Variants in VPS50 observed in about 807,000 individuals in gnomAD.
VPS50 encodes VPS50 subunit of EARP/GARPII complex.
Under a neutral mutation model 139.7 loss-of-function variants are expected in VPS50, and 70 were observed. The observed-to-expected ratio is 0.50, with a 90% confidence interval of 0.41 to 0.61. The LOEUF (loss-of-function observed/expected upper bound fraction) is 0.61, where lower values mean the gene tolerates loss of function less well. VPS50 is among the 20% of genes least tolerant of loss of function. VPS50 has a pLI of 0.00. For synonymous variants in VPS50, 365 were observed against 376.7 expected (o/e 0.97, Z 0.36); for missense variants, 921 against 1,133.7 (o/e 0.81, Z 2.69).
intron 1 of VPS50, among the ~76,000 whole-genome samples, chr7:93,236,131 A>G (rs1250770351): frequency 6.6e-6 from 1 of 152,212 alleles, no homozygotes; most frequent in Non-Finnish European, 1.5e-5. Flanking sequence ...CTTGAAGCCA[A>G]GTAAAGAATT....
At chr7:93,328,231 T>C (rs1797839021) in intron 21 of VPS50, among the ~76,000 whole-genome samples, 1 of 152,172 alleles carries the variant, frequency 6.6e-6, no homozygotes, top group Admixed American at 6.5e-5. Flanking sequence ...CTGGTTCACA[T>C]TTTTTTGTGA....
chr7:93,355,833 C>A, intron 26 of VPS50, 58 bp from the exon 27 acceptor site: 2 of 1,022,814 alleles, frequency 2.0e-6, no homozygotes, highest in Non-Finnish European at 2.8e-6. Flanking sequence ...AAATACCTGA[C>A]AGTTTTTTGT....
chr7:93,259,015 A>G (rs571399797), intron 8 of VPS50, among the ~76,000 whole-genome samples: 1 of 152,176 alleles, frequency 6.6e-6, no homozygotes, highest in African/African-American at 2.4e-5. Context: ...ACTGCTAACT[A>G]GGGTTTCAGA....
intron 16 of VPS50, among the ~76,000 whole-genome samples, chr7:93,298,818 T>C (rs747454815): frequency 2.6e-5 from 4 of 152,220 alleles, no homozygotes; most frequent in Non-Finnish European, 4.4e-5. Flanking sequence ...TTCTCATTGA[T>C]GTGGCTGTGC....
rs1441213730 is a variant in VPS50, at chr7:93,334,145, G to A, written c.2006G>A (p.Ser669Asn). Reference protein sequence around the residue: ...SLESTGLGLSSSRLRTTLNRI... With the variant: ...SLESTGLGLSNSRLRTTLNRI... Reference sequence around the variant, plus strand: ...GAATCAACTGGACTCGGCCTTAGTAGTAGTAGACTAAGAACAACTCTAAAC... The same window carrying A: ...GAATCAACTGGACTCGGCCTTAGTAATAGTAGACTAAGAACAACTCTAAAC... Residue 669 changes from serine (S) to asparagine (N), a missense_variant, in exon 22 of 28, where the codon AGT (serine) becomes AAT (asparagine). Around this residue, in one of 3 missense-constraint regions of VPS50, gnomAD observed 744 missense variants for 930.6 expected, o/e 0.80. Transcript: ENST00000305866. The A allele has an allele frequency of 5.0e-6, 8 of 1,600,444 alleles. No individual in the cohort carries two copies. In the Admixed American group the frequency reaches 6.8e-5, roughly 14 times the overall value.
intron 21 of VPS50, among the ~76,000 whole-genome samples, chr7:93,331,215 A>G (rs540160145): frequency 5.9e-5 from 9 of 151,902 alleles, no homozygotes; most frequent in African/African-American, 2.2e-4. Flanking sequence ...TACAATCCCA[A>G]TCAAAACTGT....
intron 12 of VPS50, among the ~76,000 whole-genome samples, chr7:93,279,601 T>C (rs1796262569): frequency 6.6e-6 from 1 of 152,176 alleles, no homozygotes; most frequent in African/African-American, 2.4e-5. Flanking sequence ...ATCGAAGATA[T>C]ACTTGTGTGA....
chr7:93,271,054 A>G (rs1795989947), intron 9 of VPS50, 166 bp from the exon 10 acceptor site: 1 of 1,098,002 alleles, frequency 9.1e-7, no homozygotes, highest in African/African-American at 1.7e-5. Flanking sequence ...TTCCCTTCTA[A>G]TACTTTTTCT....
chr7:93,288,822 G>A (rs1011454312), intron 12 of VPS50, among the ~76,000 whole-genome samples: 1 of 152,148 alleles, frequency 6.6e-6, no homozygotes, highest in African/African-American at 2.4e-5. Context: ...AGTGGAGTCA[G>A]AAAAGTGAAC....
At chr7:93,342,280 A>C (rs988105199) in intron 23 of VPS50, among the ~76,000 whole-genome samples, 7 of 152,318 alleles carry the variant, frequency 4.6e-5, no homozygotes, top group Non-Finnish European at 1.0e-4. Flanking sequence ...GGGCTTAAAA[A>C]ACGGTGCATC....
intron 12 of VPS50, among the ~76,000 whole-genome samples, chr7:93,282,591 C>A (rs1219037092): frequency 6.6e-6 from 1 of 152,156 alleles, no homozygotes; most frequent in Non-Finnish European, 1.5e-5. Flanking sequence ...TGCTGATTAT[C>A]TTTTATTTAA....
intron 2 of VPS50, among the ~76,000 whole-genome samples, chr7:93,250,536 AG>A (rs1181711729): frequency 6.6e-6 from 1 of 152,160 alleles, no homozygotes; most frequent in East Asian, 1.9e-4. Context: ...CTTATACAAA[AG>A]TTAACCCAAG....
In VPS50 at chr7:93,276,159, C is replaced by A. The variant is rs530064946; in HGVS notation, c.802-6C>A. 1.0e-5 allele frequency: 16 copies of A among 1,576,206 alleles called. 1 individual carries two copies. In the African/African-American group the frequency reaches 1.2e-4, roughly 12 times the overall value. ...AATTATGTTGTGCGTTTTTTTCTTT[C>A]CACAGACAGCAATGGATCAACTTCA... On this transcript the variant is annotated splice_polypyrimidine_tract_variant and splice_region_variant and intron_variant, in intron 11 of 27. Transcript: ENST00000305866.
At chr7:93,237,496 G>C (rs1019289898) in intron 1 of VPS50, among the ~76,000 whole-genome samples, 2 of 152,142 alleles carry the variant, frequency 1.3e-5, no homozygotes, top group African/African-American at 4.8e-5. Context: ...TTGAATTGTT[G>C]TGTGGTGACT....
chr7:93,287,323 T>C (rs1562869696), intron 12 of VPS50, among the ~76,000 whole-genome samples: 2 of 151,984 alleles, frequency 1.3e-5, no homozygotes, highest in Non-Finnish European at 2.9e-5. Context: ...TTTAACTTTT[T>C]ATGAAAAAAA....
chr7:93,302,617 CT>C (rs1289534685), intron 16 of VPS50, among the ~76,000 whole-genome samples: 4 of 151,834 alleles, frequency 2.6e-5, no homozygotes, highest in Admixed American at 2.6e-4. Flanking sequence ...AAGTCCTTGT[CT>C]GTTAACTCTA....
intron 17 of VPS50, among the ~76,000 whole-genome samples, chr7:93,304,009 A>G (rs914203036): frequency 3.3e-5 from 5 of 151,844 alleles, no homozygotes; most frequent in Admixed American, 3.3e-4. Context: ...TAATGAAAAA[A>G]TGCCTCAGAA....
chr7:93,283,238 T>G (rs1796380241), intron 12 of VPS50, among the ~76,000 whole-genome samples: 1 of 151,460 alleles, frequency 6.6e-6, no homozygotes, highest in South Asian at 2.1e-4. Flanking sequence ...TTTCTTTTTT[T>G]TTTTTTTGAG....
intron 25 of VPS50, among the ~76,000 whole-genome samples, chr7:93,352,282 A>G (rs1397336528): frequency 6.6e-6 from 1 of 152,210 alleles, no homozygotes; most frequent in East Asian, 1.9e-4. Context: ...CTACTCTCCT[A>G]GATCCATGAA....
Sources: gnomAD v4.1 joint callset for allele counts (sites outside exome capture counted in the v4.1 genomes callset) on GRCh38, gnomAD v4.1.1 for gene constraint, gnomAD v4.1.1 regional missense constraint, MANE v1.5 for transcripts, NCBI Gene and HGNC (gene_info 2026-07-23, HGNC 2026-07-21) for gene names.